KCNJ6: variants seen among roughly 807,000 people sequenced by gnomAD.
KCNJ6 encodes the protein potassium inwardly rectifying channel subfamily J member 6.
Under a neutral mutation model 34.2 loss-of-function variants are expected in KCNJ6, and 9 were observed. That is an observed-to-expected ratio of 0.26 (90% CI 0.16 to 0.46). The LOEUF (loss-of-function observed/expected upper bound fraction) is 0.46, where lower values mean the gene tolerates loss of function less well. KCNJ6 is among the 20% of genes least tolerant of loss of function. KCNJ6 has a pLI of 1.00. For synonymous variants in KCNJ6, 196 were observed against 207.1 expected, an observed-to-expected ratio of 0.95 and a Z score of 0.46; for missense variants, 236 against 531.3, an observed-to-expected ratio of 0.44 and a Z score of 5.46.
At chr21:37,740,296 GACCC>G (rs1349550792) in intron 2 of KCNJ6, among the ~76,000 whole-genome samples, 2 of 152,162 alleles carry the variant, frequency 1.3e-5, no homozygotes, top group African/African-American at 4.8e-5. Context: ...CATCAACACA[GACCC>G]GAAGTCTGAT....
chr21:37,625,462 G>A lies in KCNJ6; in HGVS notation c.969C>T (p.Ser323=). 6.2e-7 allele frequency: 1 copy of A among 1,613,200 alleles called. No homozygotes were observed. Among genetic ancestry groups the A allele is most frequent in the South Asian group, 1.1e-5 (1 of 90,984 alleles). The change falls in exon 4 of 4, where the codon AGC becomes AGT. Residue 323 remains serine (S), a synonymous_variant. Coordinates refer to ENST00000609713, the MANE Select transcript of KCNJ6 (RefSeq NM_002240.5). The stretch of plus-strand genomic sequence containing the variant: ...ACAGGATCTCACTGGTGATGTAGGA[G>A]CTTCGAGCTTGGCATGTCATCCCTG... ...EATGMTCQAR[S]SYITSEILWG...
At chr21:37,824,287 T>C (rs1227974025) in intron 2 of KCNJ6, among the ~76,000 whole-genome samples, 1 of 152,224 alleles carries the variant, frequency 6.6e-6, no homozygotes, top group Non-Finnish European at 1.5e-5. Context: ...ACCTTCATAA[T>C]TTTTATGATA....
chr21:37,631,480 C>T (rs1006378983), intron 3 of KCNJ6, among the ~76,000 whole-genome samples: 22 of 152,278 alleles, frequency 1.4e-4, no homozygotes, highest in African/African-American at 3.6e-4. Flanking sequence ...GGGAATAACA[C>T]GCCTATTCCT....
intron 2 of KCNJ6, among the ~76,000 whole-genome samples, chr21:37,783,953 C>T (rs1386283449): frequency 6.6e-6 from 1 of 152,198 alleles, no homozygotes; most frequent in Non-Finnish European, 1.5e-5. Flanking sequence ...AGAGACTGCA[C>T]ACCAAAAATC....
intron 2 of KCNJ6, among the ~76,000 whole-genome samples, chr21:37,798,829 G>A (rs1313840809): frequency 6.6e-6 from 1 of 152,146 alleles, no homozygotes; most frequent in East Asian, 1.9e-4. Flanking sequence ...ATTGATCTCG[G>A]TGATAGTTAC....
intron 3 of KCNJ6, among the ~76,000 whole-genome samples, chr21:37,677,171 G>A (rs1709826): frequency 0.52 from 78,337 of 152,052 alleles, 20,252 homozygotes; most frequent in East Asian, 0.58. Context: ...CCTGTGGCTT[G>A]AGACAAGCTC....
rs2054303834 is a variant in KCNJ6, at chr21:37,624,893, T to A, written c.*266A>T. On this transcript the variant is annotated 3_prime_UTR_variant, in exon 4 of 4. Coordinates refer to ENST00000609713, the MANE Select transcript of KCNJ6 (RefSeq NM_002240.5). ...GTAACTGAAATCTCCAGGAGTTGGA[T>A]GTGTAGTATTTTGGGAGGAGACCAG... is the stretch of plus-strand genomic sequence containing the variant. 2.0e-6 allele frequency: 1 copy of A among 495,638 alleles called. No homozygotes were observed. The highest frequency in any genetic ancestry group is 1.9e-5 in the African/African-American group (1 of 52,056). The allele number at this position is 495,638 out of a possible 1,614,324, so 30.7% of individuals were successfully genotyped here. A position where few individuals can be genotyped will look rare whatever the true frequency, so the allele number is the denominator to read the frequency against.
intron 2 of KCNJ6, among the ~76,000 whole-genome samples, chr21:37,810,771 T>C (rs1233121735): frequency 6.6e-6 from 1 of 152,234 alleles, no homozygotes; most frequent in Admixed American, 6.5e-5. Flanking sequence ...GATATACATA[T>C]TGTATTTAGC....
intron 1 of KCNJ6, among the ~76,000 whole-genome samples, chr21:37,903,375 AC>A (rs1344640694): frequency 6.6e-6 from 1 of 152,080 alleles, no homozygotes; most frequent in Admixed American, 6.5e-5. Context: ...TTCATCTTCC[AC>A]CATGATTGTG....
In KCNJ6 at chr21:37,613,169, A is replaced by G. The variant is rs2054248978; in HGVS notation, c.*11990T>C. On this transcript the variant is annotated 3_prime_UTR_variant, in exon 4 of 4. Transcript: ENST00000609713. ...CTCACCAAAGAAGATGTACAGATGG[A>G]AAACAAGCATATAAAAATATGTCCC... The G allele has an allele frequency of 6.6e-6, 1 of 152,250 alleles. No homozygotes were observed. The highest frequency in any genetic ancestry group is 2.1e-4 in the South Asian group (1 of 4,830). The allele number at this position is 152,250 out of a possible 1,614,324, so 9.4% of individuals were successfully genotyped here.
chr21:37,866,393 T>C (rs185229799), intron 1 of KCNJ6, among the ~76,000 whole-genome samples: 2 of 152,318 alleles, frequency 1.3e-5, no homozygotes, highest in Non-Finnish European at 2.9e-5. Context: ...TCTGATGAGT[T>C]GGGAGAATAC....
chr21:37,615,184 G>C lies in KCNJ6; in HGVS notation c.*9975C>G, dbSNP rs903806798. The C allele has an allele frequency of 6.6e-6, 1 of 150,916 alleles. No homozygotes were observed. The highest frequency in any genetic ancestry group is 1.5e-5 in the Non-Finnish European group (1 of 67,930). 9.3% of individuals were successfully genotyped at this position (150,916 alleles called of 1,614,324 possible). A position where few individuals can be genotyped will look rare whatever the true frequency, so the allele number is the denominator to read the frequency against. On this transcript the variant is annotated 3_prime_UTR_variant, in exon 4 of 4. Coordinates refer to ENST00000609713, the MANE Select transcript of KCNJ6 (RefSeq NM_002240.5). ...CTCCCACAGTGTGGGCATGGTTCAGGGATTTGAATATTAATGTCCTCTTTC... is the reference window on the plus strand; with the variant it reads ...CTCCCACAGTGTGGGCATGGTTCAGCGATTTGAATATTAATGTCCTCTTTC...
intron 2 of KCNJ6, among the ~76,000 whole-genome samples, chr21:37,768,659 CAT>C (rs1303083836): frequency 2.0e-5 from 3 of 152,284 alleles, no homozygotes; most frequent in African/African-American, 7.2e-5. Flanking sequence ...TTACTTAAAA[CAT>C]ATACACTCTT....
rs146798415 is a variant in KCNJ6 at position 37,652,059 on chromosome 21, G to C, written c.947-26575C>G. Among the ~76,000 whole-genome samples, 387 of 152,256 alleles carry C rather than the reference G, an allele frequency of 2.5e-3. 1 individual carries two copies. Among genetic ancestry groups the C allele is most frequent in the African/African-American group, 8.9e-3 (370 of 41,546 alleles). On this transcript the variant is annotated intron_variant, in intron 3 of 3. Coordinates refer to ENST00000609713, the MANE Select transcript of KCNJ6 (RefSeq NM_002240.5). ...AGAATTGGAGATAGAATAGAGTGAG[G>C]GGGGAAAAGAGATTAGTTAGACTGA... is the stretch of plus-strand genomic sequence containing the variant.
intron 2 of KCNJ6, among the ~76,000 whole-genome samples, chr21:37,783,545 C>A (rs561285605): frequency 2.0e-5 from 3 of 152,198 alleles, no homozygotes; most frequent in Non-Finnish European, 4.4e-5. Context: ...TCCAATTAAA[C>A]CTCTTTTTCT....
intron 3 of KCNJ6, among the ~76,000 whole-genome samples, chr21:37,688,580 G>T (rs533231464): frequency 6.6e-6 from 1 of 152,322 alleles, no homozygotes; most frequent in South Asian, 2.1e-4. Context: ...CAAGTCCAGG[G>T]CTTTTCCTAG....
intron 2 of KCNJ6, among the ~76,000 whole-genome samples, chr21:37,810,465 CA>C (rs1445480738): frequency 2.6e-5 from 4 of 152,120 alleles, no homozygotes; most frequent in Admixed American, 2.6e-4. Flanking sequence ...AGCTGCTCTC[CA>C]AAAAGATGAG....
chr21:37,673,414 C>T (rs758451799), intron 3 of KCNJ6, among the ~76,000 whole-genome samples: 6 of 152,244 alleles, frequency 3.9e-5, no homozygotes, highest in African/African-American at 1.2e-4. Context: ...TTCCAGGAGC[C>T]GGCTCCTTGG....
chr21:37,688,059 A>G (rs983804692), intron 3 of KCNJ6, among the ~76,000 whole-genome samples: 2 of 152,228 alleles, frequency 1.3e-5, no homozygotes, highest in Non-Finnish European at 2.9e-5. Flanking sequence ...AAACACATGA[A>G]TGAGAAATAG....
Sources: gnomAD v4.1 joint callset for allele counts (sites outside exome capture counted in the v4.1 genomes callset) on GRCh38, gnomAD v4.1.1 for gene constraint, MANE v1.5 for transcripts, NCBI Gene and HGNC (gene_info 2026-07-23, HGNC 2026-07-21) for gene names.